Variants in RGS6 observed in about 807,000 individuals in gnomAD.
RGS6 encodes the protein regulator of G-protein signaling 6.
A neutral mutation model predicts 78.5 loss-of-function variants in RGS6; 30 were observed. The observed-to-expected ratio is 0.38, with a 90% confidence interval of 0.29 to 0.52. RGS6 has a LOEUF of 0.52. Among genes scored for constraint, RGS6 ranks in the 20% least tolerant of loss-of-function variants. The probability of loss-of-function intolerance (pLI) is 0.85; values close to 1 mark genes in which losing one functional copy is unlikely to be tolerated. For synonymous variants in RGS6, 206 were observed against 206.0 expected (o/e 1.00, Z 0.00); for missense variants, 495 against 609.7 (o/e 0.81, Z 1.98).
intron 2 of RGS6, among the ~76,000 whole-genome samples, chr14:72,049,204 T>C (rs965963108): frequency 9.2e-5 from 14 of 152,182 alleles, no homozygotes; most frequent in African/African-American, 3.1e-4. Context: ...TAGAAATAAA[T>C]AGAATTGTTT....
At chr14:72,139,891 G>C (rs764224211) in intron 2 of RGS6, among the ~76,000 whole-genome samples, 2 of 151,620 alleles carry the variant, frequency 1.3e-5, no homozygotes, top group Admixed American at 6.6e-5. Context: ...TTTAAATAAC[G>C]ATTTAAAAAT....
chr14:72,040,667 G>A (rs2092316311), intron 2 of RGS6, among the ~76,000 whole-genome samples: 1 of 152,086 alleles, frequency 6.6e-6, no homozygotes, highest in African/African-American at 2.4e-5. Flanking sequence ...CTAGATTTGG[G>A]AAGTTTTCAG....
downstream of RGS6, among the ~76,000 whole-genome samples, chr14:72,567,943 TC>T (rs1439319946): frequency 6.6e-6 from 1 of 152,212 alleles, no homozygotes; most frequent in South Asian, 2.1e-4. Flanking sequence ...GGTTACTGGA[TC>T]TGCCCCAGAC....
the RGS6 span, among the ~76,000 whole-genome samples, chr14:71,925,637 C>T: frequency 5.7e-4 from 86 of 150,406 alleles, no homozygotes; most frequent in Non-Finnish European, 1.0e-3. Flanking sequence ...CCAGTTTTCC[C>T]AGTACCATTT....
chr14:72,314,221 T>A (rs2069417035), intron 2 of RGS6, among the ~76,000 whole-genome samples: 1 of 152,114 alleles, frequency 6.6e-6, no homozygotes, highest in African/African-American at 2.4e-5. Context: ...CCTAATGAGA[T>A]GCTTGGAGGC....
upstream of RGS6, among the ~76,000 whole-genome samples, chr14:71,929,217 C>G (rs1056684283): frequency 6.6e-6 from 1 of 152,166 alleles, no homozygotes; most frequent in African/African-American, 2.4e-5. Flanking sequence ...ACTGATTGTG[C>G]CACAAAAGTC....
At chr14:72,091,153 G>A (rs1229905931) in intron 2 of RGS6, among the ~76,000 whole-genome samples, 1 of 151,952 alleles carries the variant, frequency 6.6e-6, no homozygotes, top group Non-Finnish European at 1.5e-5. Flanking sequence ...CAGATCTGCA[G>A]TGCCCTTGCC....
the RGS6 span, among the ~76,000 whole-genome samples, chr14:72,579,188 A>T: frequency 6.6e-6 from 1 of 151,722 alleles, no homozygotes; most frequent in Admixed American, 6.6e-5. Flanking sequence ...AGGAGAAGGG[A>T]TGACTTCAGT....
At chr14:72,499,031 T>G (rs2096682938) in intron 13 of RGS6, among the ~76,000 whole-genome samples, 1 of 152,104 alleles carries the variant, frequency 6.6e-6, no homozygotes, top group Non-Finnish European at 1.5e-5. Context: ...CCCCCACCCT[T>G]CCTAGTGTGA....
intron 2 of RGS6, among the ~76,000 whole-genome samples, chr14:72,230,216 G>T (rs1198329579): frequency 1.3e-5 from 2 of 152,198 alleles, no homozygotes; most frequent in Non-Finnish European, 2.9e-5. Context: ...TTCTCCTGTG[G>T]TGAGGAGAGA....
In RGS6 at chr14:72,110,722, A is replaced by G. The variant is rs530386898; in HGVS notation, c.84+145847A>G. Among the ~76,000 whole-genome samples, 3 of 152,332 alleles carry G rather than the reference A, an allele frequency of 2.0e-5. No homozygotes were observed. The East Asian group carries it at 5.8e-4, about 29-fold the overall frequency. On this transcript the variant is annotated intron_variant, in intron 2 of 17. Transcript: ENST00000553525. Reference sequence around the variant, plus strand: ...GGTATGTAAGGCTGTAGAATGAGCAATAACGAAAACCAGAAATGTTTGGGG... The same window carrying G: ...GGTATGTAAGGCTGTAGAATGAGCAGTAACGAAAACCAGAAATGTTTGGGG...
At position 72,355,175 on chromosome 14, in the gene RGS6, TATTTTTA is replaced by T. The variant is rs1408073297; in HGVS notation, c.184+2983_184+2989del. 3.3e-5 allele frequency among the ~76,000 whole-genome samples: 5 copies of T among 151,856 alleles called. No individual in the cohort carries two copies. The East Asian group carries it at 9.7e-4, about 29-fold the overall frequency. ...TAAGTATGTAATTTCAATTATTTTTTATTTTTAAAATTTCCTCTGGTTCTTTTTTTTT... is the reference window on the plus strand; with the variant it reads ...TAAGTATGTAATTTCAATTATTTTTTAAATTTCCTCTGGTTCTTTTTTTTT... On this transcript the variant is annotated intron_variant, in intron 3 of 17. Coordinates refer to ENST00000553525, the MANE Select transcript of RGS6 (RefSeq NM_001204424.2).
intron 3 of RGS6, among the ~76,000 whole-genome samples, chr14:72,365,562 A>G (rs185590601): frequency 3.1e-4 from 47 of 152,266 alleles, no homozygotes; most frequent in South Asian, 8.3e-4. Flanking sequence ...CCATCTCACA[A>G]ATTAAATTTG....
intron 2 of RGS6, among the ~76,000 whole-genome samples, chr14:72,011,658 A>G (rs2085762135): frequency 6.6e-6 from 1 of 152,182 alleles, no homozygotes; most frequent in African/African-American, 2.4e-5. Flanking sequence ...TGTATTAGGT[A>G]TTATAACTGA....
rs184692037 is a variant in RGS6, at chr14:72,088,633, A to G, written c.84+123758A>G. On this transcript the variant is annotated intron_variant, in intron 2 of 17. Transcript: ENST00000553525. Reference sequence around the variant, plus strand: ...TCCCAGCCACTTTCTGTCCTCTGCCAGAGTGATCTTGTGAAGGCTTCAATC... The same window carrying G: ...TCCCAGCCACTTTCTGTCCTCTGCCGGAGTGATCTTGTGAAGGCTTCAATC... Among the ~76,000 whole-genome samples the G allele has an allele frequency of 4.1e-3, 618 of 151,110 alleles. 19 individuals carry two copies. Among genetic ancestry groups the G allele is most frequent in the Admixed American group, 0.032 (487 of 15,180 alleles).
chr14:72,555,956 A>G (rs78385185), intron 17 of RGS6, among the ~76,000 whole-genome samples: 42 of 152,320 alleles, frequency 2.8e-4, no homozygotes, highest in Non-Finnish European at 5.0e-4. Context: ...TGATTTGAAG[A>G]ACAAGGCACT....
chr14:71,975,500 C>G (rs1804021467), intron 2 of RGS6, among the ~76,000 whole-genome samples: 1 of 151,790 alleles, frequency 6.6e-6, no homozygotes, highest in Non-Finnish European at 1.5e-5. Flanking sequence ...GCTCTGTCAC[C>G]CAGGCTGGAG....
chr14:72,202,396 A>T (rs1412853123), intron 2 of RGS6, among the ~76,000 whole-genome samples: 2 of 152,060 alleles, frequency 1.3e-5, no homozygotes, highest in East Asian at 1.9e-4. Context: ...TGCCCTCCAG[A>T]TTCCCCTGTG....
At chr14:72,521,042 T>A (rs549745741) in intron 15 of RGS6, among the ~76,000 whole-genome samples, 1 of 152,358 alleles carries the variant, frequency 6.6e-6, no homozygotes, top group South Asian at 2.1e-4. Context: ...TGTTTATCAT[T>A]TCCAGCCCTT....
Sources: gnomAD v4.1 joint callset for allele counts (sites outside exome capture counted in the v4.1 genomes callset) on GRCh38, gnomAD v4.1.1 for gene constraint, MANE v1.5 for transcripts, NCBI Gene and HGNC (gene_info 2026-07-23, HGNC 2026-07-21) for gene names.